The following ELMO1 variants were observed in gnomAD, a reference collection of about 807,000 sequenced individuals.
ELMO1 encodes the protein engulfment and cell motility 1, also known as engulfment and cell motility protein 1.
A neutral mutation model predicts 98.9 loss-of-function variants in ELMO1; 26 were observed. The ratio of observed to expected loss-of-function variants is 0.26; its 90% confidence interval spans 0.19 to 0.36. The LOEUF is 0.36. Ranked by LOEUF, ELMO1 falls within the 10% of genes least tolerant of loss-of-function variation. The probability of loss-of-function intolerance (pLI) is 1.00; values close to 1 mark genes in which losing one functional copy is unlikely to be tolerated. For synonymous variants in ELMO1, 346 were observed against 346.0 expected, an observed-to-expected ratio of 1.00 and a Z score of 0.00; for missense variants, 627 against 935.2, an observed-to-expected ratio of 0.67 and a Z score of 4.30.
chr7:37,210,169 C>T (rs1223271831), intron 13 of ELMO1, among the ~76,000 whole-genome samples: 4 of 152,048 alleles, frequency 2.6e-5, no homozygotes, highest in Non-Finnish European at 4.4e-5. Flanking sequence ...TATCAAAAGC[C>T]TTGAAAACAT....
chr7:37,087,062 T>C lies in ELMO1; in HGVS notation c.1300+9557A>G, dbSNP rs149372621. On this transcript the variant is annotated intron_variant, in intron 15 of 21. Coordinates refer to ENST00000310758, the MANE Select transcript of ELMO1 (RefSeq NM_014800.11). Reference sequence around the variant, plus strand: ...ACCTAAGTTTCCAAGATGTTTTCCATTGGGATTATTCCAAAGTAGTTTACA... The same window carrying C: ...ACCTAAGTTTCCAAGATGTTTTCCACTGGGATTATTCCAAAGTAGTTTACA... Among the ~76,000 whole-genome samples the C allele has an allele frequency of 2.4e-3, 367 of 152,370 alleles. 2 individuals carry two copies. Among genetic ancestry groups the C allele is most frequent in the African/African-American group, 8.3e-3 (347 of 41,592 alleles).
chr7:37,188,519 T>TAATAAA (rs1791383740), intron 13 of ELMO1, among the ~76,000 whole-genome samples: 2 of 127,588 alleles, frequency 1.6e-5, no homozygotes, highest in East Asian at 2.3e-4. Context: ...ATAATAATAA[T>TAATAAA]AATAATAACT....
chr7:37,222,364 G>A (rs145377245), intron 10 of ELMO1, among the ~76,000 whole-genome samples: 2 of 152,170 alleles, frequency 1.3e-5, no homozygotes, highest in Non-Finnish European at 2.9e-5. Flanking sequence ...TCATGAAAAG[G>A]CTCTACTGCT....
chr7:37,361,927 A>C (rs1348742032), intron 1 of ELMO1, among the ~76,000 whole-genome samples: 9 of 152,076 alleles, frequency 5.9e-5, no homozygotes, highest in Non-Finnish European at 1.3e-4. Context: ...GCACCACCAC[A>C]CTCCAGCCTG....
At chr7:37,395,367 CAAAAAAAAAAA>C (rs59452486) in intron 1 of ELMO1, among the ~76,000 whole-genome samples, 2 of 66,190 alleles carry the variant, frequency 3.0e-5, no homozygotes, top group Non-Finnish European at 5.3e-5. Flanking sequence ...AACTCCATCT[CAAAAAAAAAAA>C]AAAAAAAAAA....
At chr7:36,989,742 A>G (rs914251022) in intron 16 of ELMO1, among the ~76,000 whole-genome samples, 3 of 152,150 alleles carry the variant, frequency 2.0e-5, no homozygotes, top group Non-Finnish European at 2.9e-5. Flanking sequence ...TAGTTATCCT[A>G]CTAGGGAGGT....
intron 16 of ELMO1, among the ~76,000 whole-genome samples, chr7:36,923,533 G>C (rs1268160894): frequency 1.3e-5 from 2 of 152,168 alleles, no homozygotes; most frequent in Non-Finnish European, 2.9e-5. Context: ...TTCCCCAGAG[G>C]AAGAGGCTGG....
intron 15 of ELMO1, among the ~76,000 whole-genome samples, chr7:37,040,401 G>A (rs1376643872): frequency 1.3e-5 from 2 of 152,170 alleles, no homozygotes; most frequent in Non-Finnish European, 2.9e-5. Flanking sequence ...TCCAATGCAA[G>A]ACCAACAGAA....
At chr7:37,026,573 C>A (rs1794590159) in intron 15 of ELMO1, among the ~76,000 whole-genome samples, 1 of 152,168 alleles carries the variant, frequency 6.6e-6, no homozygotes, top group Non-Finnish European at 1.5e-5. Flanking sequence ...CTTGAGCCCA[C>A]TCCACTACTT....
rs369284189 is a variant in ELMO1 at position 36,864,192 on chromosome 7, G to A, written c.1906-2456C>T. ...CAGCACTGCAGCCCAGATGTGCTCCGGACAGGGTGCTGAAGTCACTTGAGA... is the reference window on the plus strand; with the variant it reads ...CAGCACTGCAGCCCAGATGTGCTCCAGACAGGGTGCTGAAGTCACTTGAGA... On this transcript the variant is annotated intron_variant, in intron 20 of 21. Transcript: ENST00000310758. Among the ~76,000 whole-genome samples the A allele has an allele frequency of 2.6e-5, 4 of 152,290 alleles. 1 individual carries two copies. Among genetic ancestry groups the A allele is most frequent in the South Asian group, 4.1e-4 (2 of 4,824 alleles).
chr7:37,122,829 T>C (rs1786169179), intron 14 of ELMO1, among the ~76,000 whole-genome samples: 1 of 152,136 alleles, frequency 6.6e-6, no homozygotes, highest in African/African-American at 2.4e-5. Context: ...CAACAGAATA[T>C]ACATTCTTCT....
intron 2 of ELMO1, among the ~76,000 whole-genome samples, chr7:37,331,333 CTTTTTTTTT>C (rs776303689): frequency 7.0e-5 from 2 of 28,736 alleles, no homozygotes; most frequent in African/African-American, 1.1e-4. Context: ...CCACGCCTGG[CTTTTTTTTT>C]TTTTTTTTTT....
At position 36,877,941 on chromosome 7, in the gene ELMO1, G is replaced by A. The variant is rs566000895; in HGVS notation, c.1822+69C>T. 43 of 1,176,360 alleles carry A rather than the reference G, an allele frequency of 3.7e-5. No individual in the cohort carries two copies. In the African/African-American group the frequency reaches 3.9e-4, roughly 11 times the overall value. 72.9% of individuals were successfully genotyped at this position (1,176,360 alleles called of 1,614,324 possible). A position where few individuals can be genotyped will look rare whatever the true frequency, so the allele number is the denominator to read the frequency against. On this transcript the variant is annotated intron_variant, in intron 19 of 21. Coordinates refer to ENST00000310758, the MANE Select transcript of ELMO1 (RefSeq NM_014800.11). Reference sequence around the variant, plus strand: ...TTACTTAGGCTGATAGTTCTGTTGCGTGATATATTGTGACTAGGAAACAAC... The same window carrying A: ...TTACTTAGGCTGATAGTTCTGTTGCATGATATATTGTGACTAGGAAACAAC...
At chr7:36,974,167 G>C (rs547780439) in intron 16 of ELMO1, among the ~76,000 whole-genome samples, 1 of 152,246 alleles carries the variant, frequency 6.6e-6, no homozygotes, top group Non-Finnish European at 1.5e-5. Context: ...CTGCAGCCCC[G>C]GTGTGGTATC....
At chr7:37,165,488 C>G (rs1299401660) in intron 13 of ELMO1, among the ~76,000 whole-genome samples, 2 of 152,018 alleles carry the variant, frequency 1.3e-5, no homozygotes, top group Non-Finnish European at 1.5e-5. Context: ...ATAAATAGCT[C>G]TTATTATTTT....
chr7:36,888,004 G>C (rs978606198), intron 17 of ELMO1, among the ~76,000 whole-genome samples: 2 of 152,176 alleles, frequency 1.3e-5, no homozygotes, highest in African/African-American at 4.8e-5. Context: ...ATTCAGCACT[G>C]CTAAGACAAT....
intron 15 of ELMO1, among the ~76,000 whole-genome samples, chr7:37,065,704 T>C (rs1372919471): frequency 1.3e-5 from 2 of 152,206 alleles, no homozygotes; most frequent in Non-Finnish European, 2.9e-5. Context: ...GGTTTTCTTT[T>C]AGGGTTCTCT....
chr7:37,225,103 A>G, intron 8 of ELMO1, 73 bp from the exon 9 acceptor site: 1 of 1,572,778 alleles, frequency 6.4e-7, no homozygotes, highest in South Asian at 1.1e-5. Context: ...GGAACAAATG[A>G]ATCAAATCGG....
At chr7:37,238,326 C>G (rs992682731) in intron 7 of ELMO1, among the ~76,000 whole-genome samples, 1 of 152,058 alleles carries the variant, frequency 6.6e-6, no homozygotes, top group Non-Finnish European at 1.5e-5. Context: ...GATTTTGATA[C>G]TTTATAAGTG....
Sources: gnomAD v4.1 joint callset for allele counts (sites outside exome capture counted in the v4.1 genomes callset) on GRCh38, gnomAD v4.1.1 for gene constraint, MANE v1.5 for transcripts, NCBI Gene and HGNC (gene_info 2026-07-23, HGNC 2026-07-21) for gene names.